Variants in CAGE1 observed in about 807,000 individuals in gnomAD.
CAGE1 encodes cancer antigen 1.
CAGE1 carries 66 observed loss-of-function variants against 94.9 expected under a neutral mutation model. The ratio of observed to expected loss-of-function variants is 0.70; its 90% CI spans 0.57 to 0.85. CAGE1 has a LOEUF of 0.85. CAGE1 is among the 40% of genes least tolerant of loss of function. The probability of loss-of-function intolerance (pLI) is 0.00; values close to 1 mark genes in which losing one functional copy is unlikely to be tolerated. For synonymous variants in CAGE1, 319 were observed against 321.0 expected (o/e 0.99, Z 0.07); for missense variants, 865 against 950.4 (o/e 0.91, Z 1.18).
Position 7,353,326 on chromosome 6 carries a change from A to C in CAGE1, c.2369+1715T>G, listed in dbSNP as rs557294962. Among the ~76,000 whole-genome samples the C allele has an allele frequency of 1.9e-4, 29 of 152,356 alleles. 1 individual carries two copies. The East Asian group carries it at 3.9e-3, about 20-fold the overall frequency. ...CTAATGATCAGAGAAATGCAAATCA[A>C]AACTACAATGCGATACCACCTTACT... On this transcript the variant is annotated intron_variant, in intron 11 of 13. Coordinates refer to ENST00000502583, the MANE Select transcript of CAGE1 (RefSeq NM_001170692.2).
chr6:7,346,441 T>C (rs1411569183), intron 11 of CAGE1, among the ~76,000 whole-genome samples: 1 of 151,848 alleles, frequency 6.6e-6, no homozygotes, highest in Non-Finnish European at 1.5e-5. Context: ...CCCAGCTACT[T>C]GGGAGGCTGA....
At chr6:7,341,754 A>G in intron 11 of CAGE1, 2 of 689,344 alleles carry the variant, frequency 2.9e-6, no homozygotes, top group South Asian at 2.7e-5. Flanking sequence ...GATCACACAG[A>G]ACCATGGCCA....
chr6:7,358,685 AT>A (rs948838749), intron 9 of CAGE1, among the ~76,000 whole-genome samples: 4 of 152,132 alleles, frequency 2.6e-5, no homozygotes, highest in Non-Finnish European at 4.4e-5. Flanking sequence ...TACAAAAAAA[AT>A]TTTTTTTAAT....
intron 4 of CAGE1, among the ~76,000 whole-genome samples, chr6:7,375,339 G>A (rs891124159): frequency 1.3e-5 from 2 of 151,686 alleles, no homozygotes; most frequent in African/African-American, 2.4e-5. Flanking sequence ...AACCCTGGAG[G>A]TGGAGGCTAC....
intron 11 of CAGE1, among the ~76,000 whole-genome samples, chr6:7,352,548 A>G (rs543372447): frequency 6.6e-6 from 1 of 152,328 alleles, no homozygotes; most frequent in South Asian, 2.1e-4. Context: ...AAACAATTCT[A>G]AAATTCATAT....
rs1211613591 is a variant in CAGE1 at position 7,378,904 on chromosome 6, C to A, written c.400G>T (p.Asp134Tyr). The A allele has an allele frequency of 1.2e-6, 2 of 1,608,282 alleles. No homozygotes were observed. Among genetic ancestry groups the A allele is most frequent in the African/African-American group, 2.7e-5 (2 of 74,906 alleles). ...TCTGGCTTCTCTGTCATTTCATCAT[C>A]AAATGCTTCTACCCAGTGAAATTTG... is the stretch of plus-strand genomic sequence containing the variant. ...VCKFHWVEAF[D>Y]DEMTEKPEFQ... The change falls in exon 4 of 14, where the codon GAT becomes TAT. Residue 134 changes from aspartate to tyrosine, a missense_variant. Physicochemically the swap from Asp to Tyr is radical, Grantham distance 160. Transcript: ENST00000502583.
At chr6:7,374,833 C>T (rs9392883) in intron 4 of CAGE1, among the ~76,000 whole-genome samples, 13,731 of 151,932 alleles carry the variant, frequency 0.09, 1,432 homozygotes, top group African/African-American at 0.25. Context: ...AGTTTGAGAC[C>T]GGCCTGGCCA....
chr6:7,344,471 C>T (rs1759339329), intron 11 of CAGE1, among the ~76,000 whole-genome samples: 1 of 152,240 alleles, frequency 6.6e-6, no homozygotes, highest in Non-Finnish European at 1.5e-5. Context: ...GGATTCGGGA[C>T]CTACAGCCCG....
chr6:7,371,294 A>T (rs997764418), intron 5 of CAGE1, among the ~76,000 whole-genome samples: 1 of 152,134 alleles, frequency 6.6e-6, no homozygotes, highest in Non-Finnish European at 1.5e-5. Flanking sequence ...TTTGAAAACC[A>T]CTGGCTTAGA....
chr6:7,361,415 T>C (rs546844829), intron 9 of CAGE1, among the ~76,000 whole-genome samples: 1 of 152,312 alleles, frequency 6.6e-6, no homozygotes, highest in South Asian at 2.1e-4. Context: ...GTAAAATGAA[T>C]TTATAACCAA....
chr6:7,373,621 T>C lies in CAGE1; in HGVS notation c.1198A>G (p.Arg400Gly), dbSNP rs931515970. 3 of 1,613,498 alleles carry C rather than the reference T, an allele frequency of 1.9e-6. No individual in the cohort carries two copies. Among genetic ancestry groups the C allele is most frequent in the South Asian group, 1.1e-5 (1 of 91,068 alleles). Residue 400 changes from arginine to glycine, a missense_variant, in exon 5 of 14, where the codon AGG becomes GGG. Physicochemically the swap from Arg to Gly is moderately radical, Grantham distance 125. Transcript: ENST00000502583. ...ANTQKHLQESRNDKEMLQLQF... is the reference protein window; with the variant it reads ...ANTQKHLQESGNDKEMLQLQF... ...AGCTGTAACATTTCCTTGTCATTCC[T>C]GGATTCCTGAAGATGTTTTTGCGTG... is the stretch of plus-strand genomic sequence containing the variant.
intron 4 of CAGE1, among the ~76,000 whole-genome samples, chr6:7,377,907 C>T (rs757255155): frequency 2.6e-5 from 4 of 152,070 alleles, no homozygotes; most frequent in Admixed American, 6.6e-5. Context: ...CATGTGTGCT[C>T]GGAATCAATA....
chr6:7,339,144 A>T lies in CAGE1; in HGVS notation c.2370-5054T>A. On this transcript the variant is annotated intron_variant, in intron 11 of 13. Transcript: ENST00000502583. The surrounding 1 kb of genome is among the most constrained non-coding windows in gnomAD (Gnocchi z 4.7). Reference sequence around the variant, plus strand: ...CATGGATTTAGCTCTCTGTCCTCAGAGTTTCCCAGACACCACGACCTCACA... The same window carrying T: ...CATGGATTTAGCTCTCTGTCCTCAGTGTTTCCCAGACACCACGACCTCACA... 4 of 1,543,320 alleles carry T rather than the reference A, an allele frequency of 2.6e-6. No homozygotes were observed. The highest frequency in any genetic ancestry group is 3.6e-6 in the Non-Finnish European group (4 of 1,116,888).
chr6:7,362,493 A>G lies in CAGE1; in HGVS notation c.2193+2975T>C, dbSNP rs1036992539. 2.0e-5 allele frequency among the ~76,000 whole-genome samples: 3 copies of G among 152,196 alleles called. No homozygotes were observed. On this transcript the variant is annotated intron_variant, in intron 9 of 13. Coordinates refer to ENST00000502583, the MANE Select transcript of CAGE1 (RefSeq NM_001170692.2). This position sits in a 1 kb window ranked among gnomAD's most constrained non-coding sequence, Gnocchi z 4.1. ...GATGCTTGAGCCAGCAGGAAGGCAA[A>G]GCTGAAGTCAAGGACCCTGTCTCAG...
At chr6:7,351,922 A>G (rs1759782415) in intron 11 of CAGE1, among the ~76,000 whole-genome samples, 3 of 152,238 alleles carry the variant, frequency 2.0e-5, no homozygotes. Flanking sequence ...CACAGCCAAC[A>G]TAATACTGAA....
chr6:7,343,723 G>A (rs936487182), intron 11 of CAGE1, among the ~76,000 whole-genome samples: 2 of 152,268 alleles, frequency 1.3e-5, no homozygotes, highest in Admixed American at 1.3e-4. Context: ...TATGATCAGG[G>A]ATCATATAAT....
intron 1 of CAGE1, among the ~76,000 whole-genome samples, chr6:7,388,235 C>T (rs1761199259): frequency 6.6e-6 from 1 of 152,072 alleles, no homozygotes; most frequent in Admixed American, 6.5e-5. Context: ...CATCCCCTAC[C>T]CGGTACTCCC....
At chr6:7,328,792 GGAGT>G (rs1758618772) in intron 13 of CAGE1, among the ~76,000 whole-genome samples, 2 of 151,680 alleles carry the variant, frequency 1.3e-5, no homozygotes, top group South Asian at 4.2e-4. Context: ...ATGAATGTCT[GGAGT>G]GATAGATTTG....
At chr6:7,333,655 T>TATATATAC (rs1554136124) in intron 12 of CAGE1, among the ~76,000 whole-genome samples, 1 of 108,632 alleles carries the variant, frequency 9.2e-6, no homozygotes, top group African/African-American at 4.4e-5. Context: ...TATATATATA[T>TATATATAC]ATATATATAT....
Sources: allele counts gnomAD v4.1 joint callset (sites outside exome capture counted in the v4.1 genomes callset), GRCh38; gene constraint gnomAD v4.1.1; non-coding constraint Gnocchi (gnomAD v3.1); transcripts MANE v1.5; gene names NCBI Gene and HGNC (gene_info 2026-07-23, HGNC 2026-07-21).